The following TLR2 variants were observed in gnomAD, a reference collection of about 807,000 sequenced individuals.
TLR2 encodes the protein toll like receptor 2, also known as toll-like receptor 2.
TLR2 carries 7 observed loss-of-function variants against 9.1 expected under a neutral mutation model. The ratio of observed to expected loss-of-function variants is 0.77; its 90% CI spans 0.44 to 1.44. TLR2 has a LOEUF of 1.44. TLR2 is among the 40% of genes most tolerant of loss of function. TLR2 has a pLI of 0.01. For missense variants in TLR2, 812 were observed against 904.6 expected (o/e 0.90, Z 1.31); for synonymous variants, 317 against 344.6 (o/e 0.92, Z 0.89).
chr4:153,687,955 G>C lies in TLR2; in HGVS notation c.-109G>C, dbSNP rs1224315500. 1.3e-5 allele frequency: 2 copies of C among 152,194 alleles called. No individual in the cohort carries two copies. Among genetic ancestry groups the C allele is most frequent in the Non-Finnish European group, 2.9e-5 (2 of 68,040 alleles). 9.4% of individuals were successfully genotyped at this position (152,194 alleles called of 1,614,324 possible). On this transcript the variant is annotated 5_prime_UTR_variant, in exon 2 of 3. Coordinates refer to ENST00000642700, the MANE Select transcript of TLR2 (RefSeq NM_001318789.2). Reference sequence around the variant, plus strand: ...AAGCAGGATCCAAAGGAGACCTATAGTGACTCCCAGGAGCTCTTAGTGACC... The same window carrying C: ...AAGCAGGATCCAAAGGAGACCTATACTGACTCCCAGGAGCTCTTAGTGACC...
downstream of TLR2, among the ~76,000 whole-genome samples, chr4:153,707,706 A>G (rs1466061753): frequency 6.6e-6 from 1 of 152,246 alleles, no homozygotes; most frequent in African/African-American, 2.4e-5. Context: ...GACTCGATCT[A>G]TGTTTAATTT....
At position 153,704,342 on chromosome 4, in the gene TLR2, C is replaced by G. The variant is rs779677522; in HGVS notation, c.1435C>G (p.Leu479Val). 1 of 1,613,740 alleles carries G rather than the reference C, an allele frequency of 6.2e-7. No individual in the cohort carries two copies. The highest frequency in any genetic ancestry group is 8.5e-7 in the Non-Finnish European group (1 of 1,179,946). The change falls in exon 3 of 3, where the codon CTC becomes GTC. Residue 479 changes from leucine (L) to valine (V), a missense_variant. By Grantham distance (32) the Leu-to-Val change is conservative. Coordinates refer to ENST00000642700, the MANE Select transcript of TLR2 (RefSeq NM_001318789.2). ...LNLFSLNLPQ[L>V]KELYISRNKL... ...TTTATTTTCTTTGAATTTGCCGCAA[C>G]TCAAAGAACTTTATATTTCCAGAAA... is the stretch of plus-strand genomic sequence containing the variant.
chr4:153,693,541 C>T (rs1043495925), intron 2 of TLR2, among the ~76,000 whole-genome samples: 1 of 152,142 alleles, frequency 6.6e-6, no homozygotes, highest in African/African-American at 2.4e-5. Context: ...TGCCCAGTGT[C>T]CTCTGGAAAA....
chr4:153,703,538 A>G lies in TLR2; in HGVS notation c.631A>G (p.Ile211Val). Residue 211 changes from isoleucine (I) to valine (V), a missense_variant, in exon 3 of 3, where the codon ATT (isoleucine) becomes GTT (valine). Transcript: ENST00000642700. Reference sequence around the variant, plus strand: ...TCTGATCCTTCATATGAAGCAGCATATTTTACTGCTGGAGATTTTTGTAGA... The same window carrying G: ...TCTGATCCTTCATATGAAGCAGCATGTTTTACTGCTGGAGATTTTTGTAGA... ...SHLILHMKQHILLLEIFVDVT... is the reference protein window; with the variant it reads ...SHLILHMKQHVLLLEIFVDVT... The G allele has an allele frequency of 1.2e-6, 2 of 1,614,104 alleles. No individual in the cohort carries two copies. The highest frequency in any genetic ancestry group is 1.1e-5 in the South Asian group (1 of 91,062).
At chr4:153,686,980 A>G (rs1470401929) in intron 1 of TLR2, among the ~76,000 whole-genome samples, 1 of 152,206 alleles carries the variant, frequency 6.6e-6, no homozygotes, top group African/African-American at 2.4e-5. Context: ...TAAATCATAC[A>G]GAATATGTCT....
chr4:153,690,608 A>G (rs1306642420), intron 2 of TLR2, among the ~76,000 whole-genome samples: 3 of 152,216 alleles, frequency 2.0e-5, no homozygotes, highest in South Asian at 2.1e-4. Context: ...TGTGACATCC[A>G]TTTGCTAAAG....
rs200209269 is a variant in TLR2, at chr4:153,694,571, TA to T, written c.-17+6525del. On this transcript the variant is annotated intron_variant, in intron 2 of 2. Transcript: ENST00000642700. The stretch of plus-strand genomic sequence containing the variant: ...TTTGTGGATACATAGTAGATGTATA[TA>T]TTTATGGGGCACTTGAGATATTTTG... Among the ~76,000 whole-genome samples the T allele has an allele frequency of 4.4e-3, 665 of 152,366 alleles. 5 individuals are homozygous for T. Among genetic ancestry groups the T allele is most frequent in the African/African-American group, 0.015 (617 of 41,586 alleles).
At chr4:153,701,496 A>C (rs1230737239) in intron 2 of TLR2, 1 of 152,202 alleles carries the variant, frequency 6.6e-6, no homozygotes, top group Non-Finnish European at 1.5e-5. Flanking sequence ...GTATTTTGTT[A>C]CAGAAGCACT....
intron 2 of TLR2, among the ~76,000 whole-genome samples, chr4:153,689,577 GT>G (rs1350673704): frequency 6.6e-6 from 1 of 152,180 alleles, no homozygotes; most frequent in Non-Finnish European, 1.5e-5. Context: ...TTACAAATAG[GT>G]TTTTGAGGGC....
chr4:153,685,998 A>G (rs1457259199), intron 1 of TLR2, among the ~76,000 whole-genome samples: 2 of 152,234 alleles, frequency 1.3e-5, no homozygotes, highest in Non-Finnish European at 2.9e-5. Context: ...CTACATTATA[A>G]CATGATGGAA....
Position 153,689,534 on chromosome 4 carries a change from A to G in TLR2, c.-17+1487A>G, listed in dbSNP as rs1735957458. Among the ~76,000 whole-genome samples the G allele has an allele frequency of 2.0e-5, 3 of 152,182 alleles. No homozygotes were observed. In the South Asian group the frequency reaches 6.2e-4, roughly 31 times the overall value. ...TGCAATGCAATCTTCCCAAACAAGT[A>G]TGTTCATTATTTCTGGCCAGGTCCA... On this transcript the variant is annotated intron_variant, in intron 2 of 2. Transcript: ENST00000642700.
intron 2 of TLR2, among the ~76,000 whole-genome samples, chr4:153,695,826 C>T (rs1195566270): frequency 6.6e-6 from 1 of 152,088 alleles, no homozygotes; most frequent in Non-Finnish European, 1.5e-5. Flanking sequence ...AGATTTAAGT[C>T]TTTAATCTAT....
chr4:153,699,606 G>A (rs918787840), intron 2 of TLR2, among the ~76,000 whole-genome samples: 9 of 152,178 alleles, frequency 5.9e-5, no homozygotes, highest in African/African-American at 1.9e-4. Context: ...TGAACTATCT[G>A]TTGGTTTGTA....
Position 153,704,048 on chromosome 4 carries a change from G to T in TLR2, c.1141G>T (p.Ala381Ser). 6.2e-7 allele frequency: 1 copy of T among 1,614,138 alleles called. No homozygotes were observed. Among genetic ancestry groups the T allele is most frequent in the East Asian group, 2.2e-5 (1 of 44,870 alleles). ...LMVEEYLKNS[A>S]CEDAWPSLQT... ...GGTTGAAGAATACTTGAAAAATTCAGCCTGTGAGGATGCCTGGCCCTCTCT... is the reference window on the plus strand; with the variant it reads ...GGTTGAAGAATACTTGAAAAATTCATCCTGTGAGGATGCCTGGCCCTCTCT... The change falls in exon 3 of 3, where the codon GCC becomes TCC. Residue 381 changes from alanine (A) to serine (S), a missense_variant. Transcript: ENST00000642700.
chr4:153,706,590 T>C (rs1458897930), downstream of TLR2, among the ~76,000 whole-genome samples: 2 of 152,224 alleles, frequency 1.3e-5, no homozygotes, highest in Non-Finnish European at 2.9e-5. Flanking sequence ...AATCTAGGTA[T>C]AATAATACCA....
At chr4:153,710,263 T>G (rs1737472585), downstream of TLR2, 1 of 847,440 alleles carries the variant, frequency 1.2e-6, no homozygotes, top group African/African-American at 1.7e-5. Context: ...AAAGTTTACT[T>G]AGTTTTCTAA....
At chr4:153,690,673 C>A (rs1375223320) in intron 2 of TLR2, among the ~76,000 whole-genome samples, 1 of 152,232 alleles carries the variant, frequency 6.6e-6, no homozygotes, top group Non-Finnish European at 1.5e-5. Context: ...ATGAGGAATG[C>A]ACCATTTGGC....
intron 1 of TLR2, 84 bp downstream of exon 1, chr4:153,684,444 C>A (rs555464923): frequency 6.6e-6 from 1 of 152,504 alleles, no homozygotes; most frequent in South Asian, 2.1e-4. Flanking sequence ...GGAGCCGCAG[C>A]CCGGTCACGG....
At chr4:153,696,938 G>A (rs945808394) in intron 2 of TLR2, among the ~76,000 whole-genome samples, 1 of 152,122 alleles carries the variant, frequency 6.6e-6, no homozygotes. Context: ...ACTCGGAAAA[G>A]AAGGTAAGAT....
Sources: gnomAD v4.1 joint callset for allele counts (sites outside exome capture counted in the v4.1 genomes callset) on GRCh38, gnomAD v4.1.1 for gene constraint, MANE v1.5 for transcripts, NCBI Gene and HGNC (gene_info 2026-07-23, HGNC 2026-07-21) for gene names.